The following RBKS variants were observed in gnomAD, a reference collection of about 807,000 sequenced individuals.
The protein encoded by RBKS is ribokinase.
A neutral mutation model predicts 33.9 loss-of-function variants in RBKS; 33 were observed. That is an observed-to-expected ratio of 0.97 (90% CI 0.74 to 1.30). The LOEUF (loss-of-function observed/expected upper bound fraction) is 1.30, where lower values mean the gene tolerates loss of function less well. RBKS is among the 50% of genes most tolerant of loss of function. RBKS has a pLI of 0.00. For synonymous variants in RBKS, 125 were observed against 143.0 expected (o/e 0.87, Z 0.90); for missense variants, 361 against 392.6 (o/e 0.92, Z 0.68).
At chr2:27,880,585 A>C (rs1664400093) in intron 1 of RBKS, among the ~76,000 whole-genome samples, 1 of 152,214 alleles carries the variant, frequency 6.6e-6, no homozygotes, top group Non-Finnish European at 1.5e-5. Flanking sequence ...ATACAAAATC[A>C]AGATACAAAA....
intron 7 of RBKS, among the ~76,000 whole-genome samples, chr2:27,797,868 T>C (rs1192430165): frequency 6.6e-6 from 1 of 152,046 alleles, no homozygotes; most frequent in Non-Finnish European, 1.5e-5. Context: ...TACAGGGAAC[T>C]AAGACAACTG....
intron 7 of RBKS, among the ~76,000 whole-genome samples, chr2:27,826,938 A>G (rs1678324284): frequency 6.6e-6 from 1 of 152,202 alleles, no homozygotes; most frequent in Admixed American, 6.5e-5. Flanking sequence ...ATCCTGTACA[A>G]ATTTCTTCTT....
At chr2:27,802,488 G>A (rs183816989) in intron 7 of RBKS, among the ~76,000 whole-genome samples, 34 of 152,004 alleles carry the variant, frequency 2.2e-4, no homozygotes, top group African/African-American at 7.5e-4. Context: ...TTTCACGGGG[G>A]AAGAGGGAGG....
chr2:27,881,553 T>TAAATA (rs778688489), intron 1 of RBKS, among the ~76,000 whole-genome samples: 8 of 150,236 alleles, frequency 5.3e-5, no homozygotes, highest in South Asian at 4.2e-4. Context: ...AATAAATAAA[T>TAAATA]AAATAAAATA....
chr2:27,873,538 G>A (rs1341818126), intron 1 of RBKS, among the ~76,000 whole-genome samples: 2 of 152,154 alleles, frequency 1.3e-5, no homozygotes, highest in African/African-American at 4.8e-5. Flanking sequence ...AAGACTTTTG[G>A]CAGAGTATTT....
At chr2:27,887,417 A>G (rs1320724130) in intron 1 of RBKS, among the ~76,000 whole-genome samples, 2 of 152,228 alleles carry the variant, frequency 1.3e-5, no homozygotes, top group African/African-American at 4.8e-5. Context: ...AACTTGCGTT[A>G]ATTATTAAAT....
chr2:27,861,673 G>C (rs866245432), intron 1 of RBKS: 7 of 412,578 alleles, frequency 1.7e-5, no homozygotes, highest in African/African-American at 1.1e-4. Context: ...TGGGGGGGGG[G>C]TGGAGTCTCA....
chr2:27,850,663 T>A (rs1663728971), intron 2 of RBKS, among the ~76,000 whole-genome samples: 1 of 152,192 alleles, frequency 6.6e-6, no homozygotes, highest in Non-Finnish European at 1.5e-5. Flanking sequence ...GCTAATTTCT[T>A]TTTAGGGCTG....
In RBKS at chr2:27,832,598, A is replaced by G. The variant is rs1243752383; in HGVS notation, c.606+88T>C. 3.6e-6 allele frequency: 3 copies of G among 823,066 alleles called. No homozygotes were observed. In the Admixed American group the frequency reaches 6.5e-5, roughly 18 times the overall value. 51.0% of individuals were successfully genotyped at this position (823,066 alleles called of 1,614,324 possible). ...CATGCCTGAGAATTCACGTCATCAA[A>G]TTGATGTGGTTAGTTCTGCCCCTTT... On this transcript the variant is annotated intron_variant, in intron 6 of 7. Transcript: ENST00000302188.
intron 7 of RBKS, among the ~76,000 whole-genome samples, chr2:27,824,020 T>G (rs1244542168): frequency 6.6e-6 from 1 of 152,162 alleles, no homozygotes; most frequent in African/African-American, 2.4e-5. Flanking sequence ...AAAGAGGAAC[T>G]CCATACTCAT....
chr2:27,843,354 T>C, intron 4 of RBKS, 123 bp from the exon 5 acceptor site: 1 of 679,760 alleles, frequency 1.5e-6, no homozygotes, highest in Admixed American at 3.6e-5. Context: ...TAAGTATTAA[T>C]TTTAGCATTT....
intron 7 of RBKS, among the ~76,000 whole-genome samples, chr2:27,785,711 G>A (rs1346721818): frequency 1.3e-5 from 2 of 148,554 alleles, no homozygotes; most frequent in African/African-American, 2.5e-5. Context: ...GCAGTGAGCC[G>A]AGATCACACC....
intron 1 of RBKS, among the ~76,000 whole-genome samples, chr2:27,859,711 T>C (rs1221215815): frequency 2.6e-5 from 4 of 152,172 alleles, no homozygotes; most frequent in African/African-American, 4.8e-5. Context: ...CAAAAAAGGT[T>C]AACTAGCTTT....
chr2:27,788,888 GA>G (rs1677456510), intron 7 of RBKS, among the ~76,000 whole-genome samples: 1 of 152,070 alleles, frequency 6.6e-6, no homozygotes, highest in Non-Finnish European at 1.5e-5. Context: ...TCAAGGACTG[GA>G]AAACTCAATA....
intron 7 of RBKS, among the ~76,000 whole-genome samples, chr2:27,816,819 G>A (rs1334981750): frequency 2.0e-5 from 3 of 152,062 alleles, no homozygotes; most frequent in African/African-American, 7.3e-5. Flanking sequence ...GGATGGTCTC[G>A]ATCTCCTGAC....
chr2:27,809,837 A>C (rs1291864001), intron 7 of RBKS: 2 of 885,218 alleles, frequency 2.3e-6, no homozygotes, highest in South Asian at 1.6e-5. Context: ...TAATATTAGC[A>C]CCAACCACAG....
At chr2:27,848,242 G>A in intron 2 of RBKS, 145 bp from the exon 3 acceptor site, 1 of 542,806 alleles carries the variant, frequency 1.8e-6, no homozygotes, top group East Asian at 3.3e-5. Flanking sequence ...AATATAAGAT[G>A]CTAGACTTGA....
chr2:27,787,554 C>T (rs1296146660), intron 7 of RBKS, among the ~76,000 whole-genome samples: 1 of 152,202 alleles, frequency 6.6e-6, no homozygotes, highest in African/African-American at 2.4e-5. Flanking sequence ...GCCACTGTGC[C>T]TGGCCTACAC....
chr2:27,803,998 C>T (rs1677850385), intron 7 of RBKS, among the ~76,000 whole-genome samples: 1 of 152,116 alleles, frequency 6.6e-6, no homozygotes, highest in Non-Finnish European at 1.5e-5. Flanking sequence ...GCTGAGATCA[C>T]ACCACTGCAC....
Sources: gnomAD v4.1 joint callset for allele counts (sites outside exome capture counted in the v4.1 genomes callset) on GRCh38, gnomAD v4.1.1 for gene constraint, MANE v1.5 for transcripts, NCBI Gene and HGNC (gene_info 2026-07-23, HGNC 2026-07-21) for gene names.